The following KSR2 variants were observed in gnomAD, a reference collection of about 807,000 sequenced individuals.
KSR2 encodes kinase suppressor of ras 2.
KSR2 carries 25 observed loss-of-function variants against 107.8 expected under a neutral mutation model. That is an observed-to-expected ratio of 0.23 (90% CI 0.17 to 0.32). The LOEUF (loss-of-function observed/expected upper bound fraction) is 0.32, where lower values mean the gene tolerates loss of function less well. KSR2 is among the 10% of genes least tolerant of loss of function. The probability of loss-of-function intolerance (pLI) is 1.00; values close to 1 mark genes in which losing one functional copy is unlikely to be tolerated. For synonymous variants in KSR2, 480 were observed against 507.0 expected, an observed-to-expected ratio of 0.95 and a Z score of 0.71; for missense variants, 887 against 1,268.9, an observed-to-expected ratio of 0.70 and a Z score of 4.57.
At chr12:117,526,391 A>T (rs1307300380) in intron 13 of KSR2, among the ~76,000 whole-genome samples, 1 of 152,232 alleles carries the variant, frequency 6.6e-6, no homozygotes, top group African/African-American at 2.4e-5. Context: ...CTGATGAAAC[A>T]GCCTGAGAAG....
chr12:117,811,833 C>A (rs1891199542), intron 3 of KSR2, among the ~76,000 whole-genome samples: 2 of 152,222 alleles, frequency 1.3e-5, no homozygotes, highest in East Asian at 3.8e-4. Flanking sequence ...TACTTAGAGT[C>A]ACCTGCTTAG....
At chr12:117,936,031 C>T (rs1895826394) in intron 1 of KSR2, among the ~76,000 whole-genome samples, 1 of 151,854 alleles carries the variant, frequency 6.6e-6, no homozygotes, top group Non-Finnish European at 1.5e-5. Context: ...CTTCCTTATT[C>T]CATTTATTGA....
chr12:117,754,437 A>C (rs1593201777), intron 4 of KSR2, among the ~76,000 whole-genome samples: 1 of 152,190 alleles, frequency 6.6e-6, no homozygotes, highest in East Asian at 1.9e-4. Context: ...CGGGAGTTCA[A>C]GACCAGCCTG....
intron 3 of KSR2, among the ~76,000 whole-genome samples, chr12:117,806,207 G>T (rs892836921): frequency 6.6e-6 from 1 of 152,162 alleles, no homozygotes; most frequent in East Asian, 1.9e-4. Flanking sequence ...GATTCCGGAG[G>T]CACTTGCCCT....
intron 5 of KSR2, among the ~76,000 whole-genome samples, chr12:117,585,830 GA>G: frequency 6.6e-6 from 1 of 152,236 alleles, no homozygotes; most frequent in Non-Finnish European, 1.5e-5. Context: ...CACAGAGGCA[GA>G]ATTTTGTGCA....
intron 4 of KSR2, among the ~76,000 whole-genome samples, chr12:117,690,935 C>T (rs567717421): frequency 3.3e-5 from 5 of 152,098 alleles, no homozygotes; most frequent in South Asian, 2.1e-4. Flanking sequence ...TTCTCAGATC[C>T]GAAGGTAAAT....
At chr12:117,473,607 C>T (rs573525070) in intron 17 of KSR2, among the ~76,000 whole-genome samples, 1 of 152,322 alleles carries the variant, frequency 6.6e-6, no homozygotes, top group South Asian at 2.1e-4. Context: ...TAAACAGACT[C>T]ATCCACCACT....
intron 19 of KSR2, among the ~76,000 whole-genome samples, chr12:117,467,468 G>A (rs12305693): frequency 0.013 from 1,998 of 152,330 alleles, 39 homozygotes; most frequent in African/African-American, 0.045. Flanking sequence ...AATCAGAGAC[G>A]AACTTCTACG....
intron 8 of KSR2, among the ~76,000 whole-genome samples, chr12:117,557,666 CTGAG>C (rs1385863872): frequency 6.6e-5 from 10 of 152,158 alleles, no homozygotes; most frequent in Non-Finnish European, 1.0e-4. Flanking sequence ...GCTGGTGGGA[CTGAG>C]TAATTAAATT....
intron 14 of KSR2, chr12:117,517,677 G>A: frequency 2.7e-6 from 1 of 369,288 alleles, no homozygotes; most frequent in Non-Finnish European, 5.3e-6. Context: ...TTACATTTCA[G>A]CACAATTAAA....
intron 5 of KSR2, among the ~76,000 whole-genome samples, chr12:117,635,284 T>C (rs921039552): frequency 2.6e-5 from 4 of 152,198 alleles, no homozygotes; most frequent in East Asian, 1.9e-4. Flanking sequence ...AAACACCCTA[T>C]ATTTTAAACA....
chr12:117,875,330 G>A (rs1457171623), intron 1 of KSR2, among the ~76,000 whole-genome samples: 2 of 113,214 alleles, frequency 1.8e-5, no homozygotes, highest in Non-Finnish European at 3.4e-5. Context: ...CCCCTTAGGT[G>A]CTATTTTTTT....
At chr12:117,551,182 G>A (rs1877281007) in intron 9 of KSR2, among the ~76,000 whole-genome samples, 1 of 152,104 alleles carries the variant, frequency 6.6e-6, no homozygotes, top group Admixed American at 6.5e-5. Context: ...TACTGTTGCT[G>A]CTTCTCCTCC....
intron 3 of KSR2, among the ~76,000 whole-genome samples, chr12:117,763,421 A>G (rs563452581): frequency 1.3e-5 from 2 of 152,360 alleles, no homozygotes; most frequent in African/African-American, 4.8e-5. Flanking sequence ...CTAAAGACAC[A>G]GATTCTCATG....
At chr12:117,838,740 A>G (rs1892345066) in intron 3 of KSR2, among the ~76,000 whole-genome samples, 1 of 152,172 alleles carries the variant, frequency 6.6e-6, no homozygotes, top group South Asian at 2.1e-4. Flanking sequence ...GCCCTCCTCC[A>G]AAAGGAAGTT....
intron 10 of KSR2, among the ~76,000 whole-genome samples, chr12:117,535,770 T>C (rs1262516103): frequency 6.6e-6 from 1 of 152,134 alleles, no homozygotes; most frequent in Non-Finnish European, 1.5e-5. Flanking sequence ...TCTTCATCTG[T>C]CTTGCCATGA....
At chr12:117,878,038 G>A (rs947986102) in intron 1 of KSR2, among the ~76,000 whole-genome samples, 7 of 152,172 alleles carry the variant, frequency 4.6e-5, no homozygotes, top group Non-Finnish European at 1.0e-4. Flanking sequence ...TGAGTCTTGA[G>A]GGGCTGAGAT....
intron 9 of KSR2, among the ~76,000 whole-genome samples, chr12:117,546,699 T>C (rs1363338037): frequency 1.3e-5 from 2 of 152,232 alleles, no homozygotes; most frequent in African/African-American, 4.8e-5. Flanking sequence ...ATTTCTATCA[T>C]TCTATCTTCA....
At chr12:117,809,936 A>G (rs1006219228) in intron 3 of KSR2, among the ~76,000 whole-genome samples, 11 of 152,240 alleles carry the variant, frequency 7.2e-5, no homozygotes, top group Admixed American at 5.2e-4. Context: ...GAAAGCAGAA[A>G]GTGATTCAAG....
Sources: allele counts gnomAD v4.1 joint callset (sites outside exome capture counted in the v4.1 genomes callset), GRCh38; gene constraint gnomAD v4.1.1; transcripts MANE v1.5; gene names NCBI Gene and HGNC (gene_info 2026-07-23, HGNC 2026-07-21).